HSPA12A: variants seen among roughly 807,000 people sequenced by gnomAD.
The protein encoded by HSPA12A is heat shock protein family A (Hsp70) member 12A, also known as heat shock 70 kDa protein 12A.
In HSPA12A, 28 loss-of-function variants were observed where a neutral mutation model predicts 69.2. The observed-to-expected ratio is 0.40, with a 90% CI of 0.30 to 0.55. The LOEUF is 0.55. Ranked by LOEUF, HSPA12A falls within the 20% of genes least tolerant of loss-of-function variation. The pLI is 0.38. For synonymous variants in HSPA12A, 345 were observed against 370.5 expected (o/e 0.93, Z 0.79); for missense variants, 686 against 900.7 (o/e 0.76, Z 3.05).
chr10:116,818,516 A>G (rs1346741258), intron 2 of HSPA12A, among the ~76,000 whole-genome samples: 3 of 151,346 alleles, frequency 2.0e-5, no homozygotes, highest in Non-Finnish European at 4.4e-5. Flanking sequence ...GGCCCGCCCC[A>G]TAGTCAGATC....
chr10:116,817,430 G>A (rs748648687), intron 2 of HSPA12A, among the ~76,000 whole-genome samples: 3 of 150,882 alleles, frequency 2.0e-5, no homozygotes, highest in Non-Finnish European at 4.4e-5. Flanking sequence ...GACCTTAGTG[G>A]AGCTACTCCT....
At chr10:116,742,392 CG>C in intron 1 of HSPA12A, 37 bp downstream of exon 1, 2 of 1,429,242 alleles carry the variant, frequency 1.4e-6, no homozygotes, top group Admixed American at 2.6e-5. Context: ...CTCCCTGCCC[CG>C]CCAGCCGCGG....
intron 2 of HSPA12A, among the ~76,000 whole-genome samples, chr10:116,797,764 C>G (rs150445099): frequency 6.6e-6 from 1 of 151,784 alleles, no homozygotes; most frequent in Non-Finnish European, 1.5e-5. Flanking sequence ...CTGTGAGGGG[C>G]AGGGATGAAC....
intron 2 of HSPA12A, among the ~76,000 whole-genome samples, chr10:116,756,881 A>C (rs900294312): frequency 6.6e-6 from 1 of 152,172 alleles, no homozygotes. Context: ...TCCAGGTGTA[A>C]AGTTGCATCA....
At chr10:116,809,259 C>T (rs1163649251) in intron 2 of HSPA12A, among the ~76,000 whole-genome samples, 3 of 152,174 alleles carry the variant, frequency 2.0e-5, no homozygotes, top group African/African-American at 7.2e-5. Flanking sequence ...GCACAAGCCA[C>T]CACTGAGGCT....
At chr10:116,701,237 C>CTCTGGGCACCCA in intron 3 of HSPA12A, 108 bp from the exon 4 acceptor site, 1 of 1,012,814 alleles carries the variant, frequency 9.9e-7, no homozygotes, top group Non-Finnish European at 1.5e-6. Context: ...ATGTGGGTGC[C>CTCTGGGCACCCA]CAGAGGCACT....
chr10:116,745,356 G>A (rs886820647), upstream of HSPA12A, among the ~76,000 whole-genome samples: 7 of 152,160 alleles, frequency 4.6e-5, no homozygotes, highest in Non-Finnish European at 8.8e-5. Context: ...CTCAGGGCAC[G>A]CCCAGACTCC....
At chr10:116,697,903 C>T (rs987585795) in intron 5 of HSPA12A, among the ~76,000 whole-genome samples, 1 of 152,178 alleles carries the variant, frequency 6.6e-6, no homozygotes, top group Non-Finnish European at 1.5e-5. Flanking sequence ...CTGTTCTGGA[C>T]ATTTCATAGA....
In HSPA12A at chr10:116,675,339, C is replaced by T. The variant is rs1554877515; in HGVS notation, c.1470G>A (p.Leu490=). The change falls in exon 12 of 12, where the codon CTG becomes CTA. Residue 490 remains leucine, a synonymous_variant. Coordinates refer to ENST00000369209, the MANE Select transcript of HSPA12A (RefSeq NM_025015.3). The surrounding 1 kb of genome is among the most constrained non-coding windows in gnomAD (Gnocchi z 5.2). Reference sequence around the variant, plus strand: ...CAAAAGCAGCCTGCACCGCCTGCTGCAGCAGGGGCGCCTCGGCAAAGCCGC... The same window carrying T: ...CAAAAGCAGCCTGCACCGCCTGCTGTAGCAGGGGCGCCTCGGCAAAGCCGC... ...LVGGFAEAPL[L]QQAVQAAFGD... The T allele has an allele frequency of 1.9e-6, 3 of 1,612,832 alleles. No homozygotes were observed. The highest frequency in any genetic ancestry group is 2.5e-6 in the Non-Finnish European group (3 of 1,179,878).
At chr10:116,795,553 G>C (rs371592071) in intron 2 of HSPA12A, among the ~76,000 whole-genome samples, 3,177 of 150,616 alleles carry the variant, frequency 0.021, 49 homozygotes, top group Non-Finnish European at 0.035. Flanking sequence ...AGGCGTGGTG[G>C]AACGTGCCTG....
chr10:116,820,989 G>T (rs1342986643), intron 2 of HSPA12A, among the ~76,000 whole-genome samples: 1 of 151,760 alleles, frequency 6.6e-6, no homozygotes, highest in Non-Finnish European at 1.5e-5. Context: ...AAATCCTATG[G>T]CCTCCCCCTG....
At chr10:116,689,612 CACAG>C (rs58875112) in intron 6 of HSPA12A, among the ~76,000 whole-genome samples, 77,998 of 150,530 alleles carry the variant, frequency 0.52, 20,565 homozygotes, top group Middle Eastern at 0.65. Flanking sequence ...CATACAGACA[CACAG>C]ACAGACAGAC....
rs1287728702 is a variant in HSPA12A at position 116,672,866 on chromosome 10, T to C, written c.*1915A>G. 3 of 152,616 alleles carry C rather than the reference T, an allele frequency of 2.0e-5. No individual in the cohort carries two copies. The highest frequency in any genetic ancestry group is 6.5e-5 in the Admixed American group (1 of 15,284). The allele number at this position is 152,616 out of a possible 1,614,324, so 9.5% of individuals were successfully genotyped here. A position where few individuals can be genotyped will look rare whatever the true frequency, so the allele number is the denominator to read the frequency against. ...GACACCTTTGTGCCTGGATACACAA[T>C]CCTGCTACTAAGTTATGTGACTAAC... On this transcript the variant is annotated 3_prime_UTR_variant, in exon 12 of 12. Transcript: ENST00000369209.
chr10:116,748,864 G>A (rs964070007), intron 2 of HSPA12A, among the ~76,000 whole-genome samples: 12 of 152,168 alleles, frequency 7.9e-5, no homozygotes, highest in Non-Finnish European at 1.8e-4. Flanking sequence ...AATTCAAGAT[G>A]AGATTTGGGC....
intron 2 of HSPA12A, among the ~76,000 whole-genome samples, chr10:116,789,672 T>C (rs984387029): frequency 6.6e-6 from 1 of 152,182 alleles, no homozygotes; most frequent in Non-Finnish European, 1.5e-5. Context: ...AGGCATGGAA[T>C]TGAGGGTTCG....
chr10:116,847,360 CTT>C (rs1476072793), intron 1 of HSPA12A, among the ~76,000 whole-genome samples: 5 of 152,202 alleles, frequency 3.3e-5, no homozygotes, highest in Admixed American at 6.5e-5. Context: ...GCCTCTGTCT[CTT>C]GTTTTCTGTA....
At chr10:116,787,458 A>C (rs1296330071) in intron 2 of HSPA12A, among the ~76,000 whole-genome samples, 4 of 150,406 alleles carry the variant, frequency 2.7e-5, no homozygotes, top group Non-Finnish European at 5.9e-5. Flanking sequence ...AAAAAAAAAA[A>C]AAAAACCACA....
intron 1 of HSPA12A, among the ~76,000 whole-genome samples, chr10:116,709,797 G>A (rs1243563433): frequency 6.6e-6 from 1 of 152,164 alleles, no homozygotes; most frequent in Non-Finnish European, 1.5e-5. Context: ...ACAACATTGT[G>A]AATATAATTC....
At chr10:116,765,796 T>C (rs1554889702) in intron 2 of HSPA12A, among the ~76,000 whole-genome samples, 1 of 152,182 alleles carries the variant, frequency 6.6e-6, no homozygotes, top group Non-Finnish European at 1.5e-5. Context: ...TGCCTCTCAG[T>C]TCTTCACCCA....
Sources: allele counts gnomAD v4.1 joint callset (sites outside exome capture counted in the v4.1 genomes callset), GRCh38; gene constraint gnomAD v4.1.1; non-coding constraint Gnocchi (gnomAD v3.1); transcripts MANE v1.5; gene names NCBI Gene and HGNC (gene_info 2026-07-23, HGNC 2026-07-21).